MSH4: variants seen among roughly 807,000 people sequenced by gnomAD.
MSH4 encodes mutS protein homolog 4.
MSH4 carries 106 observed loss-of-function variants against 113.7 expected under a neutral mutation model. The ratio of observed to expected loss-of-function variants is 0.93; its 90% confidence interval spans 0.80 to 1.10. The LOEUF is 1.10. Ranked by LOEUF, MSH4 falls within the 50% of genes least tolerant of loss-of-function variation. The probability of loss-of-function intolerance (pLI) is 0.00; values close to 1 mark genes in which losing one functional copy is unlikely to be tolerated. For missense variants in MSH4, 1,061 were observed against 1,093.7 expected (o/e 0.97, Z 0.42); for synonymous variants, 368 against 380.2 (o/e 0.97, Z 0.37).
At chr1:75,886,020 TTA>T (rs1477645273) in intron 15 of MSH4, among the ~76,000 whole-genome samples, 5 of 76,714 alleles carry the variant, frequency 6.5e-5, no homozygotes, top group Admixed American at 2.1e-4. Flanking sequence ...ATATGATGTA[TTA>T]TATATAGCAT....
intron 6 of MSH4, 54 bp downstream of exon 6, chr1:75,816,600 T>A (rs969676534): frequency 1.3e-5 from 14 of 1,051,914 alleles, no homozygotes; most frequent in Non-Finnish European, 1.7e-5. Flanking sequence ...TATATTTTTC[T>A]ATTAATGGTA....
At chr1:75,898,572 G>A (rs1471125822) in intron 18 of MSH4, among the ~76,000 whole-genome samples, 1 of 146,018 alleles carries the variant, frequency 6.8e-6, no homozygotes, top group Non-Finnish European at 1.5e-5. Flanking sequence ...AGGCTGGAAT[G>A]CAGTGGCACT....
intron 7 of MSH4, among the ~76,000 whole-genome samples, chr1:75,827,437 C>T (rs1650578426): frequency 2.0e-5 from 3 of 152,050 alleles, no homozygotes; most frequent in East Asian, 3.9e-4. Context: ...AACTAATGTG[C>T]AAAATAACCA....
intron 7 of MSH4, among the ~76,000 whole-genome samples, chr1:75,846,303 C>T (rs749933802): frequency 1.4e-4 from 22 of 152,198 alleles, no homozygotes; most frequent in Non-Finnish European, 3.1e-4. Flanking sequence ...CCCAAACATA[C>T]ATTTTATGTG....
intron 7 of MSH4, among the ~76,000 whole-genome samples, chr1:75,840,200 C>T (rs1476092282): frequency 1.7e-4 from 25 of 147,226 alleles, no homozygotes; most frequent in Non-Finnish European, 3.0e-5. Flanking sequence ...AATCATGCTG[C>T]TATAAAGACA....
chr1:75,847,818 G>A (rs776337080), intron 7 of MSH4, among the ~76,000 whole-genome samples: 1 of 152,136 alleles, frequency 6.6e-6, no homozygotes, highest in Admixed American at 6.5e-5. Context: ...CACTCATCAC[G>A]GTAGGAATGG....
Position 75,803,781 on chromosome 1 carries a change from A to G in MSH4, c.295A>G (p.Asn99Asp), listed in dbSNP as rs1649995370. The change falls in exon 2 of 20, where the codon AAT (asparagine) becomes GAT (aspartate). Residue 99 changes from asparagine to aspartate, a missense_variant. Physicochemically the swap from Asn to Asp is conservative, Grantham distance 23. Transcript: ENST00000263187. ...TTATGCAGAAAACACAGTTGCATCA[A>G]ATTTTACTTTTGGTGCAAGCTCATC... ...RAYAENTVAS[N>D]FTFGASSSSA... 1 of 1,602,364 alleles carries G rather than the reference A, an allele frequency of 6.2e-7. No individual in the cohort carries two copies. The highest frequency in any genetic ancestry group is 8.5e-7 in the Non-Finnish European group (1 of 1,176,236).
At chr1:75,860,020 C>T (rs1346382072) in intron 8 of MSH4, among the ~76,000 whole-genome samples, 1 of 151,906 alleles carries the variant, frequency 6.6e-6, no homozygotes, top group South Asian at 2.1e-4. Context: ...ATGTAATGGC[C>T]TTCTTTGTCC....
intron 9 of MSH4, among the ~76,000 whole-genome samples, chr1:75,869,337 G>A (rs966587626): frequency 2.0e-5 from 3 of 152,164 alleles, no homozygotes; most frequent in Non-Finnish European, 2.9e-5. Context: ...TGGAAAATTT[G>A]CAGCCTGAGG....
chr1:75,806,222 A>G (rs923600415), intron 2 of MSH4, among the ~76,000 whole-genome samples: 2 of 120,318 alleles, frequency 1.7e-5, no homozygotes, highest in East Asian at 2.5e-4. Flanking sequence ...TATTTTGATG[A>G]CTTTTCTGTT....
chr1:75,894,297 C>A (rs1215383178), intron 17 of MSH4, among the ~76,000 whole-genome samples: 1 of 152,174 alleles, frequency 6.6e-6, no homozygotes, highest in African/African-American at 2.4e-5. Context: ...AAGCAGCAAT[C>A]AGAATAATCT....
intron 7 of MSH4, among the ~76,000 whole-genome samples, chr1:75,823,971 T>G (rs1650488247): frequency 6.6e-6 from 1 of 152,210 alleles, no homozygotes; most frequent in Admixed American, 6.5e-5. Flanking sequence ...GAAAGATTTA[T>G]AATTTTTTTG....
At chr1:75,879,449 G>T (rs1340579906) in intron 12 of MSH4, among the ~76,000 whole-genome samples, 1 of 152,112 alleles carries the variant, frequency 6.6e-6, no homozygotes, top group Non-Finnish European at 1.5e-5. Flanking sequence ...GGTTTAAAAA[G>T]TCCTGAAGTA....
chr1:75,890,976 C>A, intron 17 of MSH4, 152 bp downstream of exon 17: 3 of 670,224 alleles, frequency 4.5e-6, no homozygotes, highest in Non-Finnish European at 2.2e-6. Context: ...CCTTCATTTC[C>A]AATGAAAGTG....
At chr1:75,870,512 G>A (rs1651689204) in intron 9 of MSH4, among the ~76,000 whole-genome samples, 1 of 152,134 alleles carries the variant, frequency 6.6e-6, no homozygotes, top group Non-Finnish European at 1.5e-5. Flanking sequence ...GTCAAAGGCA[G>A]GGCCAGGTGG....
At chr1:75,826,197 G>T (rs1650547644) in intron 7 of MSH4, among the ~76,000 whole-genome samples, 1 of 152,102 alleles carries the variant, frequency 6.6e-6, no homozygotes, top group African/African-American at 2.4e-5. Flanking sequence ...TCTTGGGAGG[G>T]TGTATGTGTC....
At chr1:75,806,871 C>A in intron 2 of MSH4, 110 bp from the exon 3 acceptor site, 1 of 944,620 alleles carries the variant, frequency 1.1e-6, no homozygotes, top group Non-Finnish European at 1.5e-6. Context: ...TAACTGATAT[C>A]TACAGATTGC....
In MSH4 at chr1:75,797,221, C is replaced by T. The variant is rs1338742805; in HGVS notation, c.236C>T (p.Pro79Leu). 1 of 1,603,954 alleles carries T rather than the reference C, an allele frequency of 6.2e-7. No homozygotes were observed. Among genetic ancestry groups the T allele is most frequent in the Non-Finnish European group, 8.5e-7 (1 of 1,175,828 alleles). The change falls in exon 1 of 20, where the codon CCA becomes CTA. Residue 79 changes from proline (P) to leucine (L), a missense_variant. Pro to Leu is a moderately conservative substitution (Grantham distance 98, BLOSUM62 -3). Transcript: ENST00000263187. ...SLPCPAPNSR[P>L]AQGSYFGNKR... is the part of the protein sequence containing the mutation. ...CCCTGCCCCGCGCCAAACTCCCGGC[C>T]AGCTCAAGGCAAGGAGTGATTGGGT...
At chr1:75,829,627 C>T (rs1052785554) in intron 7 of MSH4, among the ~76,000 whole-genome samples, 6 of 152,186 alleles carry the variant, frequency 3.9e-5, no homozygotes, top group South Asian at 2.1e-4. Flanking sequence ...TGCCGTTCTG[C>T]AATATTTGCT....
Sources: allele counts gnomAD v4.1 joint callset (sites outside exome capture counted in the v4.1 genomes callset), GRCh38; gene constraint gnomAD v4.1.1; transcripts MANE v1.5; gene names NCBI Gene and HGNC (gene_info 2026-07-23, HGNC 2026-07-21).